Variants in PPP6R3 observed in about 807,000 individuals in gnomAD.
PPP6R3 encodes the protein serine/threonine-protein phosphatase 6 regulatory subunit 3.
A neutral mutation model predicts 110.7 loss-of-function variants in PPP6R3; 38 were observed. That is an observed-to-expected ratio of 0.34 (90% CI 0.26 to 0.45). The LOEUF (loss-of-function observed/expected upper bound fraction) is 0.45. Among genes scored for constraint, PPP6R3 ranks in the 20% least tolerant of loss-of-function variants. PPP6R3 has a pLI of 1.00. For missense variants in PPP6R3, 870 were observed against 1,062.4 expected (o/e 0.82, Z 2.52); for synonymous variants, 369 against 373.5 (o/e 0.99, Z 0.14).
intron 1 of PPP6R3, among the ~76,000 whole-genome samples, chr11:68,518,592 TTTGCAG>T (rs2099148501): frequency 6.6e-6 from 1 of 152,216 alleles, no homozygotes; most frequent in Non-Finnish European, 1.5e-5. Context: ...GATTATACTT[TTTGCAG>T]TGTATAGTCA....
Position 68,615,101 on chromosome 11 carries a change from G to A in PPP6R3, c.*1984G>A, listed in dbSNP as rs767071024. ...GAGAGCCTCTGGGACTTTTCTTTGG[G>A]GCATCATTTTGTTTTGTCTTTCGTA... On this transcript the variant is annotated 3_prime_UTR_variant, in exon 24 of 24. Coordinates refer to ENST00000393800, the MANE Select transcript of PPP6R3 (RefSeq NM_001164161.2). 6.5e-6 allele frequency: 3 copies of A among 463,428 alleles called. No individual in the cohort carries two copies. The highest frequency in any genetic ancestry group is 4.6e-5 in the South Asian group (3 of 64,636). 28.7% of individuals were successfully genotyped at this position (463,428 alleles called of 1,614,324 possible).
At position 68,537,640 on chromosome 11, in the gene PPP6R3, C is replaced by T. The variant is rs1448640420; in HGVS notation, c.-6-19C>T. ...TGTAAAGTTGAAATTTTATGAAATA[C>T]TTTCTGCATTTTGTTTAGACCAGCA... On this transcript the variant is annotated intron_variant, in intron 2 of 23. Transcript: ENST00000393800. 18 of 1,410,450 alleles carry T rather than the reference C, an allele frequency of 1.3e-5. No homozygotes were observed. The highest frequency in any genetic ancestry group is 1.8e-5 in the Non-Finnish European group (18 of 1,023,776). 87.4% of individuals were successfully genotyped at this position (1,410,450 alleles called of 1,614,324 possible).
chr11:68,517,854 C>G (rs2099144621), intron 1 of PPP6R3, among the ~76,000 whole-genome samples: 1 of 151,930 alleles, frequency 6.6e-6, no homozygotes, highest in African/African-American at 2.4e-5. Context: ...AGGAGGATCA[C>G]TTGAGCCCAG....
chr11:68,473,323 T>G (rs1321515573), intron 1 of PPP6R3, among the ~76,000 whole-genome samples: 1 of 152,138 alleles, frequency 6.6e-6, no homozygotes, highest in African/African-American at 2.4e-5. Context: ...AAAGACTGGG[T>G]TCTAGAAACT....
intron 23 of PPP6R3, chr11:68,612,862 C>T: frequency 3.0e-6 from 3 of 1,009,598 alleles, no homozygotes; most frequent in Non-Finnish European, 2.8e-6. Flanking sequence ...TGCCTGCTCA[C>T]CCGGTGATGA....
intron 1 of PPP6R3, among the ~76,000 whole-genome samples, chr11:68,486,911 T>C (rs2098951349): frequency 6.6e-6 from 1 of 152,190 alleles, no homozygotes; most frequent in African/African-American, 2.4e-5. Flanking sequence ...CTAATGCCCA[T>C]GGTATCTGTA....
chr11:68,520,459 A>G (rs1028141639), intron 2 of PPP6R3, among the ~76,000 whole-genome samples: 1 of 152,164 alleles, frequency 6.6e-6, no homozygotes, highest in Non-Finnish European at 1.5e-5. Context: ...CTGGAGAGAT[A>G]CTATGGTGGT....
chr11:68,475,824 G>C (rs1365027564), intron 1 of PPP6R3, among the ~76,000 whole-genome samples: 1 of 145,328 alleles, frequency 6.9e-6, no homozygotes, highest in East Asian at 2.0e-4. Flanking sequence ...CTTCTCAGAC[G>C]GGGTGGCCGG....
At chr11:68,612,820 A>G in intron 23 of PPP6R3, 1 of 659,880 alleles carries the variant, frequency 1.5e-6, no homozygotes, top group Non-Finnish European at 2.4e-6. Context: ...CGGTTCTCCC[A>G]GAGCATTTGC....
chr11:68,490,233 C>G (rs1161207835), intron 1 of PPP6R3, among the ~76,000 whole-genome samples: 1 of 152,158 alleles, frequency 6.6e-6, no homozygotes, highest in Non-Finnish European at 1.5e-5. Context: ...TTTTCCCCCT[C>G]TCAGTGCTAT....
intron 11 of PPP6R3, among the ~76,000 whole-genome samples, chr11:68,570,811 T>C (rs923070116): frequency 6.6e-6 from 1 of 152,238 alleles, no homozygotes; most frequent in Non-Finnish European, 1.5e-5. Context: ...GCACTACCTA[T>C]AATACTGAGT....
intron 8 of PPP6R3, among the ~76,000 whole-genome samples, chr11:68,561,099 C>G (rs550468305): frequency 6.6e-6 from 1 of 152,142 alleles, no homozygotes; most frequent in African/African-American, 2.4e-5. Context: ...CGGGGTTTCA[C>G]CGTGGTCTCG....
intron 7 of PPP6R3, among the ~76,000 whole-genome samples, chr11:68,557,397 G>A (rs1331712550): frequency 2.0e-5 from 3 of 152,236 alleles, no homozygotes; most frequent in African/African-American, 7.2e-5. Context: ...AGGAACTGGT[G>A]TACAGTACAC....
intron 21 of PPP6R3, among the ~76,000 whole-genome samples, chr11:68,602,372 G>A (rs1594015037): frequency 6.6e-6 from 1 of 152,146 alleles, no homozygotes; most frequent in African/African-American, 2.4e-5. Flanking sequence ...TTTTCACTTC[G>A]CCATTGTAAG....
In PPP6R3 at chr11:68,614,746, G is replaced by T; in HGVS notation, c.*1629G>T. 6.5e-7 allele frequency: 1 copy of T among 1,536,986 alleles called. No homozygotes were observed. Among genetic ancestry groups the T allele is most frequent in the South Asian group, 1.2e-5 (1 of 82,634 alleles). ...GCCTCCTCAGGAACCCCCTTTCCCG[G>T]GTGAGCCCCTCTCTGAAGAGACTGT... On this transcript the variant is annotated 3_prime_UTR_variant, in exon 24 of 24. Coordinates refer to ENST00000393800, the MANE Select transcript of PPP6R3 (RefSeq NM_001164161.2).
Position 68,548,339 on chromosome 11 carries a change from G to A in PPP6R3, c.552+135G>A. The A allele has an allele frequency of 5.1e-6, 6 of 1,165,912 alleles. No homozygotes were observed. The East Asian group carries it at 1.5e-4, about 30-fold the overall frequency. The allele number at this position is 1,165,912 out of a possible 1,614,324, so 72.2% of individuals were successfully genotyped here. A position where few individuals can be genotyped will look rare whatever the true frequency, so the allele number is the denominator to read the frequency against. On this transcript the variant is annotated intron_variant, in intron 5 of 23. Coordinates refer to ENST00000393800, the MANE Select transcript of PPP6R3 (RefSeq NM_001164161.2). ...GGGTTGTCTGGGGAGCCGGTAACAG[G>A]GTGGGGAAGAAAGGTTGTTCCAAGA...
At chr11:68,562,686 C>G (rs1033222603) in intron 8 of PPP6R3, among the ~76,000 whole-genome samples, 1 of 152,124 alleles carries the variant, frequency 6.6e-6, no homozygotes, top group Non-Finnish European at 1.5e-5. Flanking sequence ...AGTAAATCGT[C>G]CTGAATGGTT....
chr11:68,571,130 A>C, intron 12 of PPP6R3, 26 bp downstream of exon 12: 1 of 1,589,770 alleles, frequency 6.3e-7, no homozygotes, highest in African/African-American at 1.4e-5. Flanking sequence ...TTTTGAAAGG[A>C]ATTCAGTTTG....
chr11:68,506,912 G>A (rs376083017), intron 1 of PPP6R3, among the ~76,000 whole-genome samples: 2 of 152,236 alleles, frequency 1.3e-5, no homozygotes, highest in Non-Finnish European at 2.9e-5. Context: ...AATGTAGCTC[G>A]GTGATTGGGA....
Sources: allele counts gnomAD v4.1 joint callset (sites outside exome capture counted in the v4.1 genomes callset), GRCh38; gene constraint gnomAD v4.1.1; transcripts MANE v1.5; gene names NCBI Gene and HGNC (gene_info 2026-07-23, HGNC 2026-07-21).